The following AGBL1 variants were observed in gnomAD, a reference collection of about 807,000 sequenced individuals.
AGBL1 encodes the protein cytosolic carboxypeptidase 4.
AGBL1 carries 130 observed loss-of-function variants against 118.9 expected under a neutral mutation model. The observed-to-expected ratio is 1.09, with a 90% CI of 0.95 to 1.26. The LOEUF is 1.26. AGBL1 is among the 50% of genes most tolerant of loss of function. AGBL1 has a pLI of 0.00. For synonymous variants in AGBL1, 555 were observed against 478.9 expected, an observed-to-expected ratio of 1.16 and a Z score of -2.08; for missense variants, 1,584 against 1,298.1, an observed-to-expected ratio of 1.22 and a Z score of -3.38.
chr15:86,379,606 A>G (rs1174496488), intron 17 of AGBL1, among the ~76,000 whole-genome samples: 1 of 152,222 alleles, frequency 6.6e-6, no homozygotes, highest in East Asian at 1.9e-4. Flanking sequence ...ATGCATTATC[A>G]TATTTAATTT....
At position 86,911,699 on chromosome 15, in the gene AGBL1, T is replaced by G. The variant is rs904238566; in HGVS notation, c.*4405T>G. The G allele has an allele frequency of 6.6e-6, 1 of 152,174 alleles. No homozygotes were observed. The highest frequency in any genetic ancestry group is 2.4e-5 in the African/African-American group (1 of 41,442). 9.4% of individuals were successfully genotyped at this position (152,174 alleles called of 1,614,324 possible). A position where few individuals can be genotyped will look rare whatever the true frequency, so the allele number is the denominator to read the frequency against. On this transcript the variant is annotated 3_prime_UTR_variant, in exon 23 of 23. Transcript: ENST00000614907. ...AATGTACTTTTTGATTTTTCTAACATTTTCACATTTTTCCTCTGCCTCTGA... is the reference window on the plus strand; with the variant it reads ...AATGTACTTTTTGATTTTTCTAACAGTTTCACATTTTTCCTCTGCCTCTGA...
intron 23 of AGBL1, among the ~76,000 whole-genome samples, chr15:86,950,465 TAAGA>T (rs1314970901): frequency 1.4e-5 from 2 of 146,852 alleles, no homozygotes; most frequent in Non-Finnish European, 3.0e-5. Context: ...AAAAAGAAAA[TAAGA>T]AAGAAGATTT....
chr15:86,734,501 G>A (rs909218899), intron 22 of AGBL1, among the ~76,000 whole-genome samples: 8 of 152,200 alleles, frequency 5.3e-5, no homozygotes, highest in African/African-American at 1.9e-4. Context: ...AGAGGTGTGG[G>A]CTGTGCCTCA....
chr15:86,482,543 T>C (rs1469565111), intron 18 of AGBL1, among the ~76,000 whole-genome samples: 3 of 152,142 alleles, frequency 2.0e-5, no homozygotes, highest in East Asian at 3.9e-4. Flanking sequence ...TTTCGATACC[T>C]ATAATTGAAA....
At chr15:86,998,935 C>G (rs1164256204) in intron 24 of AGBL1, among the ~76,000 whole-genome samples, 7 of 151,048 alleles carry the variant, frequency 4.6e-5, no homozygotes, top group Non-Finnish European at 8.8e-5. Flanking sequence ...CATATGTATA[C>G]ATGTGCCATG....
intron 17 of AGBL1, among the ~76,000 whole-genome samples, chr15:86,357,170 TA>T (rs1398923159): frequency 6.6e-6 from 1 of 152,210 alleles, no homozygotes; most frequent in Non-Finnish European, 1.5e-5. Flanking sequence ...GGGATTTACT[TA>T]AATCCCTGTG....
At chr15:86,526,896 G>T (rs1424597956) in intron 19 of AGBL1, among the ~76,000 whole-genome samples, 1 of 151,924 alleles carries the variant, frequency 6.6e-6, no homozygotes, top group Non-Finnish European at 1.5e-5. Flanking sequence ...TACCTGTTGG[G>T]TACAATGTAC....
chr15:86,264,955 A>G (rs2079050233), intron 11 of AGBL1, 117 bp downstream of exon 11: 7 of 1,041,318 alleles, frequency 6.7e-6, no homozygotes, highest in Non-Finnish European at 9.3e-6. Context: ...AATCAGGAAC[A>G]TGTCAAAGCC....
chr15:86,574,430 C>T (rs1191735727), intron 21 of AGBL1, among the ~76,000 whole-genome samples: 1 of 152,098 alleles, frequency 6.6e-6, no homozygotes, highest in Non-Finnish European at 1.5e-5. Context: ...ACTGGTCAGT[C>T]CCAAGGGGTG....
intron 5 of AGBL1, among the ~76,000 whole-genome samples, chr15:86,196,868 T>TGCGCAC (rs1555446439): frequency 5.2e-5 from 5 of 95,718 alleles, no homozygotes; most frequent in Non-Finnish European, 8.0e-5. Flanking sequence ...TGTGCACATG[T>TGCGCAC]GCGCGCGCGC....
At chr15:86,744,369 G>C (rs1254641193) in intron 22 of AGBL1, among the ~76,000 whole-genome samples, 1 of 152,092 alleles carries the variant, frequency 6.6e-6, no homozygotes, top group Non-Finnish European at 1.5e-5. Flanking sequence ...CATTCTCACA[G>C]AGCTCCTGCC....
intron 18 of AGBL1, among the ~76,000 whole-genome samples, chr15:86,402,068 T>C (rs1410722663): frequency 6.6e-6 from 1 of 152,186 alleles, no homozygotes; most frequent in East Asian, 1.9e-4. Context: ...ATATTGACTC[T>C]ACCTGTCCAT....
intron 3 of AGBL1, among the ~76,000 whole-genome samples, 189 bp from the exon 4 acceptor site, chr15:86,154,240 TG>T (rs1313118704): frequency 5.9e-5 from 9 of 152,322 alleles, no homozygotes; most frequent in African/African-American, 2.2e-4. Context: ...ATGTGTAGCC[TG>T]AATTAGCTCT....
rs572042796 is a variant in AGBL1, at chr15:86,229,169, C to T, written c.526+4218C>T. Among the ~76,000 whole-genome samples the T allele has an allele frequency of 4.2e-4, 64 of 152,226 alleles. No individual in the cohort carries two copies. In the South Asian group the frequency reaches 0.013, roughly 30 times the overall value. ...AATTTTTTAATATAATAAATCAAAA[C>T]AACATGTCCTTTGTTTTTCCCTCTG... On this transcript the variant is annotated intron_variant, in intron 6 of 22. Transcript: ENST00000614907.
chr15:86,248,600 T>C (rs144276540), intron 7 of AGBL1, among the ~76,000 whole-genome samples: 3 of 152,272 alleles, frequency 2.0e-5, no homozygotes, highest in East Asian at 3.9e-4. Context: ...ATTGTAGAAA[T>C]GGCCCGTGCT....
At chr15:86,357,603 C>G (rs1271802477) in intron 17 of AGBL1, among the ~76,000 whole-genome samples, 5 of 152,124 alleles carry the variant, frequency 3.3e-5, no homozygotes, top group Non-Finnish European at 7.4e-5. Context: ...TCAGTCCTCT[C>G]TTTTTCATTT....
At chr15:86,848,632 A>G (rs894472022) in intron 22 of AGBL1, among the ~76,000 whole-genome samples, 7 of 152,154 alleles carry the variant, frequency 4.6e-5, no homozygotes, top group Non-Finnish European at 1.5e-5. Flanking sequence ...GGGTTACCTA[A>G]GACTATATCA....
intron 21 of AGBL1, among the ~76,000 whole-genome samples, chr15:86,611,505 A>G (rs553142198): frequency 2.0e-5 from 3 of 152,298 alleles, no homozygotes; most frequent in African/African-American, 7.2e-5. Context: ...TCAACCCCAA[A>G]TCAGGAGAAA....
chr15:87,021,675 C>T (rs886312373), intron 24 of AGBL1, among the ~76,000 whole-genome samples: 25 of 152,032 alleles, frequency 1.6e-4, no homozygotes, highest in African/African-American at 5.6e-4. Flanking sequence ...CCCATTAAAA[C>T]GTGAGCAAAG....
Sources: allele counts gnomAD v4.1 joint callset (sites outside exome capture counted in the v4.1 genomes callset), GRCh38; gene constraint gnomAD v4.1.1; transcripts MANE v1.5; gene names NCBI Gene and HGNC (gene_info 2026-07-23, HGNC 2026-07-21).